The following ABCG4 variants were observed in gnomAD, a reference collection of about 807,000 sequenced individuals.
The protein encoded by ABCG4 is ATP binding cassette subfamily G member 4.
Under a neutral mutation model 64.6 loss-of-function variants are expected in ABCG4, and 35 were observed. That is an observed-to-expected ratio of 0.54 (90% CI 0.41 to 0.72). The LOEUF is 0.72. Among genes scored for constraint, ABCG4 ranks in the 30% least tolerant of loss-of-function variants. The probability of loss-of-function intolerance (pLI) is 0.00; values close to 1 mark genes in which losing one functional copy is unlikely to be tolerated. For synonymous variants in ABCG4, 326 were observed against 348.2 expected (o/e 0.94, Z 0.71); for missense variants, 610 against 846.3 (o/e 0.72, Z 3.46).
At chr11:119,153,889 G>C (rs1211508516) in intron 2 of ABCG4, 137 bp from the exon 3 acceptor site, 1 of 739,748 alleles carries the variant, frequency 1.4e-6, no homozygotes, top group Non-Finnish European at 2.4e-6. Flanking sequence ...GGCTATAAGG[G>C]TTGTTCCTCC....
At chr11:119,157,504 A>G (rs1318713114) in intron 9 of ABCG4, among the ~76,000 whole-genome samples, 1 of 152,238 alleles carries the variant, frequency 6.6e-6, no homozygotes, top group African/African-American at 2.4e-5. Context: ...CCTGAAAACC[A>G]GATTGATTAG....
Position 119,161,250 on chromosome 11 carries a change from G to A in ABCG4, c.*144G>A, listed in dbSNP as rs1948348196. ...CCCTTGGCTCCTCCACAGGCTGGCT[G>A]TCGGACTGCGCTCCCAGCCTGGGCT... On this transcript the variant is annotated 3_prime_UTR_variant, in exon 15 of 15. Transcript: ENST00000619701. 3 of 721,368 alleles carry A rather than the reference G, an allele frequency of 4.2e-6. No homozygotes were observed. In the Admixed American group the frequency reaches 8.9e-5, roughly 21 times the overall value. The allele number at this position is 721,368 out of a possible 1,614,324, so 44.7% of individuals were successfully genotyped here.
chr11:119,158,701 G>A lies in ABCG4; in HGVS notation c.1312G>A (p.Ala438Thr), dbSNP rs776492089. The A allele has an allele frequency of 1.3e-5, 21 of 1,613,888 alleles. No homozygotes were observed. The highest frequency in any genetic ancestry group is 2.2e-5 in the East Asian group (1 of 44,902). ...FFSMLFLMFA[A>T]LMPTVLTFPL... ...CTCCATGCTGTTCCTCATGTTCGCC[G>A]CCCTCATGCCAACTGTGCTCACCTG... is the stretch of plus-strand genomic sequence containing the variant. The change falls in exon 11 of 15, where the codon GCC becomes ACC. Residue 438 changes from alanine to threonine, a missense_variant. Coordinates refer to ENST00000619701, the MANE Select transcript of ABCG4 (RefSeq NM_022169.5). The surrounding 1 kb of genome is among the most constrained non-coding windows in gnomAD (Gnocchi z 4.5).
At chr11:119,153,781 T>G (rs924758484) in intron 2 of ABCG4, 2 of 502,688 alleles carry the variant, frequency 4.0e-6, no homozygotes, top group Non-Finnish European at 7.2e-6. Flanking sequence ...GTGTGGATTT[T>G]CCCACGCCTT....
In ABCG4 at chr11:119,158,192, G is replaced by T; in HGVS notation, c.1069-42G>T. On this transcript the variant is annotated intron_variant, in intron 9 of 14. Transcript: ENST00000619701. This position sits in a 1 kb window ranked among gnomAD's most constrained non-coding sequence, Gnocchi z 4.5. ...TGAGCTGGGTGTTCTGTGGGTGAAT[G>T]GGGTAGGCTCACCTGATCCCGATCC... The T allele has an allele frequency of 6.7e-7, 1 of 1,494,100 alleles. No individual in the cohort carries two copies. Among genetic ancestry groups the T allele is most frequent in the South Asian group, 1.3e-5 (1 of 78,312 alleles). 92.6% of individuals were successfully genotyped at this position (1,494,100 alleles called of 1,614,324 possible).
At position 119,158,970 on chromosome 11, in the gene ABCG4, T is replaced by TCTTG; in HGVS notation, c.1437+44_1437+47dup. On this transcript the variant is annotated intron_variant, in intron 12 of 14. Coordinates refer to ENST00000619701, the MANE Select transcript of ABCG4 (RefSeq NM_022169.5). The surrounding 1 kb of genome is among the most constrained non-coding windows in gnomAD (Gnocchi z 4.5). ...CCACCTGCCCACTGCCTCCATCTTG[T>TCTTG]CTTGCTCCTTCTATCCTTGCTTTCT... The TCTTG allele has an allele frequency of 6.3e-7, 1 of 1,577,596 alleles. No homozygotes were observed. Among genetic ancestry groups the TCTTG allele is most frequent in the Non-Finnish European group, 8.7e-7 (1 of 1,147,566 alleles).
chr11:119,150,321 A>C lies in ABCG4; in HGVS notation c.238+118A>C. Reference sequence around the variant, plus strand: ...CTGCACCAGTGGGCTCTGTGGAAACACTAAAATCTGGGCCCCAGCCCGTTG... The same window carrying C: ...CTGCACCAGTGGGCTCTGTGGAAACCCTAAAATCTGGGCCCCAGCCCGTTG... On this transcript the variant is annotated intron_variant, in intron 2 of 14. Coordinates refer to ENST00000619701, the MANE Select transcript of ABCG4 (RefSeq NM_022169.5). The surrounding 1 kb of genome is among the most constrained non-coding windows in gnomAD (Gnocchi z 4.3). 7.1e-7 allele frequency: 1 copy of C among 1,409,516 alleles called. No homozygotes were observed. The highest frequency in any genetic ancestry group is 1.3e-5 in the South Asian group (1 of 74,192). The allele number at this position is 1,409,516 out of a possible 1,614,324, so 87.3% of individuals were successfully genotyped here. A position where few individuals can be genotyped will look rare whatever the true frequency, so the allele number is the denominator to read the frequency against.
At position 119,160,589 on chromosome 11, in the gene ABCG4, G is replaced by A. The variant is rs796568349; in HGVS notation, c.1648G>A (p.Gly550Ser). The A allele has an allele frequency of 6.2e-6, 10 of 1,613,082 alleles. No individual in the cohort carries two copies. Among genetic ancestry groups the A allele is most frequent in the East Asian group, 2.2e-5 (1 of 44,882 alleles). Residue 550 changes from glycine to serine, a missense_variant, in exon 14 of 15, where the codon GGC becomes AGC. Coordinates refer to ENST00000619701, the MANE Select transcript of ABCG4 (RefSeq NM_022169.5). The surrounding 1 kb of genome is among the most constrained non-coding windows in gnomAD (Gnocchi z 4.6). ...VTAIPVLLFS[G>S]FFVSFKTIPT... ...CGCCATCCCTGTCCTCTTGTTCTCC[G>A]GCTTCTTTGTCAGCTTCAAGACCAT...
chr11:119,158,430 C>T lies in ABCG4; in HGVS notation c.1167+98C>T. Reference sequence around the variant, plus strand: ...AAATGGGAATGGGGACCCTCCCTCACAGCCCTGCAATGTGCCTGTGGGGTC... The same window carrying T: ...AAATGGGAATGGGGACCCTCCCTCATAGCCCTGCAATGTGCCTGTGGGGTC... On this transcript the variant is annotated intron_variant, in intron 10 of 14. Transcript: ENST00000619701. This position sits in a 1 kb window ranked among gnomAD's most constrained non-coding sequence, Gnocchi z 4.5. The T allele has an allele frequency of 1.3e-6, 2 of 1,557,732 alleles. No homozygotes were observed. The highest frequency in any genetic ancestry group is 1.7e-4 in the Middle Eastern group (1 of 5,964).
At position 119,154,695 on chromosome 11, in the gene ABCG4, C is replaced by T. The variant is rs1450943455; in HGVS notation, c.541-75C>T. The T allele has an allele frequency of 6.3e-7, 1 of 1,584,892 alleles. No homozygotes were observed. Among genetic ancestry groups the T allele is most frequent in the Non-Finnish European group, 8.6e-7 (1 of 1,162,512 alleles). ...CGAGACAATGCACTTAAGGGAGATG[C>T]TTTTTGAAGCTGGGGTGGTGCCTGG... is the stretch of plus-strand genomic sequence containing the variant. On this transcript the variant is annotated intron_variant, in intron 5 of 14. Coordinates refer to ENST00000619701, the MANE Select transcript of ABCG4 (RefSeq NM_022169.5). This position sits in a 1 kb window ranked among gnomAD's most constrained non-coding sequence, Gnocchi z 7.0.
Position 119,158,487 on chromosome 11 carries a change from A to C in ABCG4, c.1168-70A>C, listed in dbSNP as rs770668309. The C allele has an allele frequency of 1.9e-6, 3 of 1,600,848 alleles. No homozygotes were observed. The highest frequency in any genetic ancestry group is 2.6e-6 in the Non-Finnish European group (3 of 1,168,860). On this transcript the variant is annotated intron_variant, in intron 10 of 14. Coordinates refer to ENST00000619701, the MANE Select transcript of ABCG4 (RefSeq NM_022169.5). This position sits in a 1 kb window ranked among gnomAD's most constrained non-coding sequence, Gnocchi z 4.5. Reference sequence around the variant, plus strand: ...CCTGTGAGGGCAGCTCCGAGTTCCTACTCCAAGTCTACTCTGTGGCTTGCC... The same window carrying C: ...CCTGTGAGGGCAGCTCCGAGTTCCTCCTCCAAGTCTACTCTGTGGCTTGCC...
Position 119,154,928 on chromosome 11 carries a change from A to G in ABCG4, c.686+13A>G, listed in dbSNP as rs771802760. The G allele has an allele frequency of 6.3e-7, 1 of 1,596,088 alleles. No individual in the cohort carries two copies. The highest frequency in any genetic ancestry group is 1.7e-5 in the Admixed American group (1 of 59,480). On this transcript the variant is annotated intron_variant, in intron 6 of 14. Transcript: ENST00000619701. This position sits in a 1 kb window ranked among gnomAD's most constrained non-coding sequence, Gnocchi z 7.0. ...ATGAGCCCACCAGGTAGTTCTCTCC[A>G]CCCTTTCCCACCAGGATACCCCTCT...
chr11:119,157,425 A>G (rs1948279717), intron 9 of ABCG4, among the ~76,000 whole-genome samples: 1 of 152,244 alleles, frequency 6.6e-6, no homozygotes, highest in African/African-American at 2.4e-5. Context: ...TAAAGCTCTT[A>G]GCACTGTAGC....
chr11:119,151,424 T>C (rs1211644698), intron 2 of ABCG4, among the ~76,000 whole-genome samples: 1 of 152,048 alleles, frequency 6.6e-6, no homozygotes, highest in African/African-American at 2.4e-5. Flanking sequence ...CTCTGCCCCC[T>C]GCCCTCCCCT....
Position 119,156,274 on chromosome 11 carries a change from C to G in ABCG4, c.687-55C>G. 1 of 1,612,046 alleles carries G rather than the reference C, an allele frequency of 6.2e-7. No homozygotes were observed. Among genetic ancestry groups the G allele is most frequent in the Non-Finnish European group, 8.5e-7 (1 of 1,178,590 alleles). ...GCAGCTGCCCCGCCCCAGACACTCC[C>G]TTCTTTTGGCCTCACCCACCTCACG... On this transcript the variant is annotated intron_variant, in intron 6 of 14. Transcript: ENST00000619701. The surrounding 1 kb of genome is among the most constrained non-coding windows in gnomAD (Gnocchi z 5.5).
intron 2 of ABCG4, among the ~76,000 whole-genome samples, chr11:119,152,615 G>T (rs932205864): frequency 1.3e-5 from 2 of 152,152 alleles, no homozygotes; most frequent in Admixed American, 1.3e-4. Flanking sequence ...GGCCCTCCTT[G>T]GTGGCTTCAT....
chr11:119,157,534 C>G (rs576483092), intron 9 of ABCG4, among the ~76,000 whole-genome samples: 1 of 152,340 alleles, frequency 6.6e-6, no homozygotes, highest in Admixed American at 6.5e-5. Context: ...TTATTGTTGT[C>G]ATTATCATCA....
At chr11:119,153,888 G>T in intron 2 of ABCG4, 138 bp from the exon 3 acceptor site, 3 of 733,318 alleles carry the variant, frequency 4.1e-6, no homozygotes, top group South Asian at 3.2e-5. Context: ...GGGCTATAAG[G>T]GTTGTTCCTC....
chr11:119,155,213 C>T lies in ABCG4; in HGVS notation c.686+298C>T, dbSNP rs989263514. Among the ~76,000 whole-genome samples the T allele has an allele frequency of 1.4e-4, 22 of 152,188 alleles. No homozygotes were observed. Among genetic ancestry groups the T allele is most frequent in the African/African-American group, 5.1e-4 (21 of 41,458 alleles). ...TCCTTTTGATATCTCTCAGATTTGC[C>T]CTGCCCCATCTCTAATGTTGATGTT... On this transcript the variant is annotated intron_variant, in intron 6 of 14. Coordinates refer to ENST00000619701, the MANE Select transcript of ABCG4 (RefSeq NM_022169.5). The surrounding 1 kb of genome is among the most constrained non-coding windows in gnomAD (Gnocchi z 4.5).
Sources: gnomAD v4.1 joint callset for allele counts (sites outside exome capture counted in the v4.1 genomes callset) on GRCh38, gnomAD v4.1.1 for gene constraint, Gnocchi (gnomAD v3.1) non-coding constraint, MANE v1.5 for transcripts, NCBI Gene and HGNC (gene_info 2026-07-23, HGNC 2026-07-21) for gene names.